The following RIN2 variants were observed in gnomAD, a reference collection of about 807,000 sequenced individuals.
RIN2 encodes RAB5 interacting protein 2.
Under a neutral mutation model 78.0 loss-of-function variants are expected in RIN2, and 36 were observed. The ratio of observed to expected loss-of-function variants is 0.46; its 90% CI spans 0.35 to 0.61. The LOEUF is 0.61. RIN2 is among the 20% of genes least tolerant of loss of function. RIN2 has a pLI of 0.00. For synonymous variants in RIN2, 466 were observed against 466.8 expected (o/e 1.00, Z 0.02); for missense variants, 1,087 against 1,159.7 (o/e 0.94, Z 0.91).
chr20:19,956,274 A>AG (rs1190219726), intron 4 of RIN2, among the ~76,000 whole-genome samples: 27 of 151,210 alleles, frequency 1.8e-4, no homozygotes, highest in Non-Finnish European at 8.8e-5. Flanking sequence ...AAAAAAAAAA[A>AG]AAAGAAAAGA....
At chr20:19,856,447 C>T (rs987524081) in intron 2 of RIN2, among the ~76,000 whole-genome samples, 4 of 151,078 alleles carry the variant, frequency 2.6e-5, no homozygotes, top group South Asian at 4.2e-4. Context: ...GTGGGAGGAT[C>T]GCTTGAGCCC....
intron 2 of RIN2, among the ~76,000 whole-genome samples, chr20:19,858,504 A>G (rs2037234382): frequency 6.6e-6 from 1 of 152,208 alleles, no homozygotes; most frequent in Non-Finnish European, 1.5e-5. Flanking sequence ...GTCAAATTTT[A>G]TGAAATCAAC....
chr20:19,917,561 A>C (rs1389509497), intron 3 of RIN2, among the ~76,000 whole-genome samples: 1 of 152,252 alleles, frequency 6.6e-6, no homozygotes, highest in Non-Finnish European at 1.5e-5. Context: ...GCATCTTGAC[A>C]CTAATGCATT....
At chr20:19,859,413 G>A (rs1196169797) in intron 2 of RIN2, among the ~76,000 whole-genome samples, 1 of 152,112 alleles carries the variant, frequency 6.6e-6, no homozygotes, top group Non-Finnish European at 1.5e-5. Context: ...TTGACTAGAG[G>A]GTCAAATAGG....
chr20:19,928,674 C>CTCT (rs948609635), intron 3 of RIN2, among the ~76,000 whole-genome samples: 3 of 152,172 alleles, frequency 2.0e-5, no homozygotes, highest in Non-Finnish European at 4.4e-5. Flanking sequence ...AGGATGCCAG[C>CTCT]TCTTATGCAG....
intron 3 of RIN2, among the ~76,000 whole-genome samples, chr20:19,929,341 TTTTG>T (rs138773030): frequency 0.092 from 13,914 of 151,700 alleles, 1,075 homozygotes; most frequent in African/African-American, 0.21. Flanking sequence ...TGTTTTTGGG[TTTTG>T]TTTGTTTGTT....
intron 8 of RIN2, among the ~76,000 whole-genome samples, chr20:19,973,772 G>C (rs370554355): frequency 2.0e-5 from 3 of 151,666 alleles, no homozygotes; most frequent in African/African-American, 4.8e-5. Flanking sequence ...CTGGGCGACA[G>C]AGCAAGACTC....
intron 2 of RIN2, among the ~76,000 whole-genome samples, chr20:19,872,774 A>G (rs1166771096): frequency 6.6e-6 from 1 of 152,212 alleles, no homozygotes; most frequent in Non-Finnish European, 1.5e-5. Context: ...AGAGTGAAAT[A>G]CTGGACATTG....
intron 1 of RIN2, among the ~76,000 whole-genome samples, chr20:19,784,607 A>T (rs2034613952): frequency 6.6e-6 from 1 of 152,200 alleles, no homozygotes; most frequent in African/African-American, 2.4e-5. Context: ...TTGTTTACAC[A>T]AGCCCTCAGG....
At chr20:19,887,212 C>T (rs963845590) in intron 2 of RIN2, among the ~76,000 whole-genome samples, 1 of 150,546 alleles carries the variant, frequency 6.6e-6, no homozygotes, top group African/African-American at 2.5e-5. Context: ...TTTTTAGAGA[C>T]AGGGTCTCGC....
chr20:19,836,050 G>A (rs1347612348), intron 2 of RIN2, among the ~76,000 whole-genome samples: 2 of 152,192 alleles, frequency 1.3e-5, no homozygotes, highest in Admixed American at 6.5e-5. Flanking sequence ...AAGTCGCCCT[G>A]TTCTGCATCC....
intron 1 of RIN2, 85 bp downstream of exon 1, chr20:19,758,412 C>T (rs1253934240): frequency 6.6e-6 from 1 of 152,324 alleles, no homozygotes; most frequent in Admixed American, 6.5e-5. Flanking sequence ...GCGGGGCTCT[C>T]TGGGGTTCCA....
At chr20:19,845,679 C>T (rs1166308298) in intron 2 of RIN2, among the ~76,000 whole-genome samples, 1 of 151,760 alleles carries the variant, frequency 6.6e-6, no homozygotes, top group Non-Finnish European at 1.5e-5. Flanking sequence ...CTATAGGTTG[C>T]CTGTTCACTC....
chr20:19,854,003 A>G (rs2037079296), intron 2 of RIN2, among the ~76,000 whole-genome samples: 1 of 152,134 alleles, frequency 6.6e-6, no homozygotes, highest in South Asian at 2.1e-4. Context: ...TAGGGTTTTG[A>G]TGGTTTTAGG....
intron 2 of RIN2, among the ~76,000 whole-genome samples, chr20:19,879,390 A>G (rs2123425351): frequency 6.6e-6 from 1 of 152,322 alleles, no homozygotes; most frequent in South Asian, 2.1e-4. Context: ...TTAAATATTA[A>G]TACCTGTTAT....
Position 19,932,840 on chromosome 20 carries a change from A to G in RIN2, c.58-2259A>G, listed in dbSNP as rs553577076. On this transcript the variant is annotated intron_variant, in intron 3 of 12. Transcript: ENST00000255006. ...CTGATAAACAACTGAAATAAATTTA[A>G]TCTGCCCGAAGTTCAATGCAGTTTC... 2.6e-5 allele frequency among the ~76,000 whole-genome samples: 4 copies of G among 152,314 alleles called. No individual in the cohort carries two copies. The South Asian group carries it at 8.3e-4, about 32-fold the overall frequency.
intron 1 of RIN2, among the ~76,000 whole-genome samples, chr20:19,774,400 C>T (rs1310578403): frequency 6.6e-6 from 1 of 152,008 alleles, no homozygotes; most frequent in African/African-American, 2.4e-5. Context: ...CTTACAGGAG[C>T]ATATAATAAA....
At position 19,935,214 on chromosome 20, in the gene RIN2, G is replaced by A. The variant is rs377397626; in HGVS notation, c.158+15G>A. ...GAAACCCACAGGTGACCAGAGACAC[G>A]GTTAGGTGATGGGTGCGAGAAAGGG... On this transcript the variant is annotated intron_variant, in intron 4 of 12. Coordinates refer to ENST00000255006, the MANE Select transcript of RIN2 (RefSeq NM_018993.4). 1.5e-5 allele frequency: 23 copies of A among 1,581,766 alleles called. No homozygotes were observed. Among genetic ancestry groups the A allele is most frequent in the Middle Eastern group, 1.7e-4 (1 of 6,044 alleles).
intron 3 of RIN2, among the ~76,000 whole-genome samples, chr20:19,920,574 C>G (rs745659764): frequency 2.6e-5 from 4 of 152,234 alleles, no homozygotes; most frequent in Non-Finnish European, 5.9e-5. Context: ...ACTACACGCA[C>G]CTTTTACAAC....
Sources: allele counts gnomAD v4.1 joint callset (sites outside exome capture counted in the v4.1 genomes callset), GRCh38; gene constraint gnomAD v4.1.1; transcripts MANE v1.5; gene names NCBI Gene and HGNC (gene_info 2026-07-23, HGNC 2026-07-21).